Variants in HMCN1 observed in about 807,000 individuals in gnomAD.
HMCN1 encodes the protein hemicentin 1, also known as hemicentin-1.
Under a neutral mutation model 625.9 loss-of-function variants are expected in HMCN1, and 321 were observed. That is an observed-to-expected ratio of 0.51 (90% CI 0.47 to 0.56). The LOEUF is 0.56. Ranked by LOEUF, HMCN1 falls within the 20% of genes least tolerant of loss-of-function variation. The probability of loss-of-function intolerance (pLI) is 0.00; values close to 1 mark genes in which losing one functional copy is unlikely to be tolerated. For synonymous variants in HMCN1, 2,425 were observed against 2,417.6 expected (o/e 1.00, Z -0.09); for missense variants, 6,588 against 6,887.3 (o/e 0.96, Z 1.54).
chr1:185,886,781 C>T (rs747406681), intron 4 of HMCN1, among the ~76,000 whole-genome samples: 24 of 152,174 alleles, frequency 1.6e-4, no homozygotes, highest in Non-Finnish European at 3.2e-4. Flanking sequence ...TTTCCCTACC[C>T]AATCCAGTAA....
chr1:185,870,036 T>TTA (rs1553252272), intron 4 of HMCN1, among the ~76,000 whole-genome samples: 2 of 149,094 alleles, frequency 1.3e-5, no homozygotes, highest in Non-Finnish European at 1.5e-5. Flanking sequence ...TTTTTTTTTT[T>TTA]AAAAAAAAAC....
At chr1:186,063,782 A>G (rs1236126948) in intron 48 of HMCN1, among the ~76,000 whole-genome samples, 1 of 152,148 alleles carries the variant, frequency 6.6e-6, no homozygotes, top group Admixed American at 6.6e-5. Context: ...TACAGAGGGA[A>G]TATAGAGTAG....
intron 93 of HMCN1, among the ~76,000 whole-genome samples, chr1:186,148,664 G>A (rs955709590): frequency 2.0e-5 from 3 of 151,994 alleles, no homozygotes; most frequent in Non-Finnish European, 2.9e-5. Context: ...ACCATGCCCA[G>A]CTAATTTTTT....
rs767187731 is a variant in HMCN1, at chr1:186,023,012, CT to C, written c.5626-15del. 6.2e-7 allele frequency: 1 copy of C among 1,612,430 alleles called. No individual in the cohort carries two copies. Among genetic ancestry groups the C allele is most frequent in the East Asian group, 2.2e-5 (1 of 44,798 alleles). On this transcript the variant is annotated splice_polypyrimidine_tract_variant and intron_variant, in intron 35 of 106. Coordinates refer to ENST00000271588, the MANE Select transcript of HMCN1 (RefSeq NM_031935.3). Reference sequence around the variant, plus strand: ...GTATAAGATACAAAAATCCTCTGTGCTTTCTGCTCCCAATTAGATACAGTCT... The same window carrying C: ...GTATAAGATACAAAAATCCTCTGTGCTTCTGCTCCCAATTAGATACAGTCT...
At chr1:186,142,297 C>T (rs1194074623) in intron 89 of HMCN1, among the ~76,000 whole-genome samples, 1 of 152,082 alleles carries the variant, frequency 6.6e-6, no homozygotes, top group African/African-American at 2.4e-5. Flanking sequence ...GCTAAGGATA[C>T]TGGCCTCTAG....
In HMCN1 at chr1:186,048,842, A is replaced by G; in HGVS notation, c.6577+3A>G. On this transcript the variant is annotated splice_donor_region_variant and intron_variant, in intron 42 of 106. Transcript: ENST00000271588. ...AAACTACAATGTCAACATTTGGGGT[A>G]AGTGTAATCAGCTCTTGAAAGCAAA... 1 of 1,573,078 alleles carries G rather than the reference A, an allele frequency of 6.4e-7. No homozygotes were observed. The highest frequency in any genetic ancestry group is 8.7e-7 in the Non-Finnish European group (1 of 1,144,202).
rs1174182734 is a variant in HMCN1, at chr1:186,178,447, T to C, written c.15975T>C (p.Pro5325=). 6.2e-7 allele frequency: 1 copy of C among 1,614,028 alleles called. No homozygotes were observed. The highest frequency in any genetic ancestry group is 1.7e-5 in the Admixed American group (1 of 60,010). The change falls in exon 104 of 107, where the codon CCT becomes CCC. Residue 5325 remains proline (P), a synonymous_variant. Coordinates refer to ENST00000271588, the MANE Select transcript of HMCN1 (RefSeq NM_031935.3). ...ATGAATGTGAACAAGTGCCTAAACC[T>C]TGTGCACATCAGTGCTCCAACACCC... ...DINECEQVPK[P]CAHQCSNTPG...
intron 4 of HMCN1, among the ~76,000 whole-genome samples, chr1:185,893,870 G>A (rs915964785): frequency 3.3e-5 from 5 of 152,110 alleles, no homozygotes; most frequent in Admixed American, 3.3e-4. Flanking sequence ...TGGATAGCTA[G>A]CACTCAGACT....
At chr1:185,917,389 T>G (rs1211333291) in intron 6 of HMCN1, among the ~76,000 whole-genome samples, 1 of 152,204 alleles carries the variant, frequency 6.6e-6, no homozygotes, top group Non-Finnish European at 1.5e-5. Context: ...GAACTTGGAA[T>G]AATTGCCATT....
chr1:186,084,520 C>T (rs555288359), intron 57 of HMCN1, among the ~76,000 whole-genome samples: 1 of 152,170 alleles, frequency 6.6e-6, no homozygotes, highest in South Asian at 2.1e-4. Context: ...AAATTATTTT[C>T]ATGTAAAACA....
At chr1:185,951,078 G>T (rs1317249646) in intron 11 of HMCN1, among the ~76,000 whole-genome samples, 2 of 151,626 alleles carry the variant, frequency 1.3e-5, no homozygotes, top group African/African-American at 4.9e-5. Context: ...AGGTTTTAAT[G>T]AGATGGTAAG....
At chr1:186,093,078 C>T (rs1052743464) in intron 64 of HMCN1, 56 bp from the exon 65 acceptor site, 3 of 1,608,542 alleles carry the variant, frequency 1.9e-6, no homozygotes, top group African/African-American at 2.7e-5. Context: ...CTTTCATGTA[C>T]TTAGTGAAAT....
intron 52 of HMCN1, among the ~76,000 whole-genome samples, chr1:186,073,499 A>G (rs1198438280): frequency 6.6e-6 from 1 of 151,930 alleles, no homozygotes; most frequent in Non-Finnish European, 1.5e-5. Flanking sequence ...GGCTGAAATC[A>G]TCCAGTGGAA....
chr1:186,186,297 T>G (rs1231946497), intron 105 of HMCN1, among the ~76,000 whole-genome samples: 2 of 152,108 alleles, frequency 1.3e-5, no homozygotes, highest in Non-Finnish European at 2.9e-5. Flanking sequence ...GAGGCCGAGG[T>G]GGGTGGATCA....
chr1:186,114,096 G>A lies in HMCN1; in HGVS notation c.11249G>A (p.Gly3750Glu). The change falls in exon 73 of 107, where the codon GGA (glycine) becomes GAA (glutamate). Residue 3750 changes from glycine (G) to glutamate (E), a missense_variant. Physicochemically the swap from Gly to Glu is moderately conservative, Grantham distance 98 (BLOSUM62 -2). Around this residue, in one of 3 missense-constraint regions of HMCN1, gnomAD observed 4,628 missense variants for 4,853.1 expected, o/e 0.95. Coordinates refer to ENST00000271588, the MANE Select transcript of HMCN1 (RefSeq NM_031935.3). ...CCAAGGATAACATGGAGAAAGGATG[G>A]AGCTGTTCTAGCTGGGAATCATGCA... ...PTPRITWRKD[G>E]AVLAGNHARY... is the part of the protein sequence containing the mutation. 6.2e-7 allele frequency: 1 copy of A among 1,614,086 alleles called. No homozygotes were observed. Among genetic ancestry groups the A allele is most frequent in the Non-Finnish European group, 8.5e-7 (1 of 1,179,974 alleles).
intron 26 of HMCN1, among the ~76,000 whole-genome samples, chr1:186,000,614 T>C (rs925217584): frequency 2.0e-5 from 3 of 151,066 alleles, no homozygotes; most frequent in Non-Finnish European, 3.0e-5. Context: ...TTCCCGGAGA[T>C]ATTTTATGAA....
At chr1:185,993,376 T>C in intron 23 of HMCN1, 67 bp downstream of exon 23, 1 of 1,577,980 alleles carries the variant, frequency 6.3e-7, no homozygotes, top group African/African-American at 1.3e-5. Flanking sequence ...GTAATCCTAG[T>C]TTATTTGATA....
intron 1 of HMCN1, among the ~76,000 whole-genome samples, chr1:185,841,997 T>C (rs1373102444): frequency 6.6e-6 from 1 of 152,238 alleles, no homozygotes; most frequent in Non-Finnish European, 1.5e-5. Flanking sequence ...AACTTTTGTT[T>C]TAACCAATTT....
At chr1:185,989,060 T>A (rs1194609968) in intron 20 of HMCN1, among the ~76,000 whole-genome samples, 2 of 142,728 alleles carry the variant, frequency 1.4e-5, no homozygotes, top group Middle Eastern at 3.6e-3. Flanking sequence ...CAGGCTGGAG[T>A]GCAGTGGCAC....
Sources: gnomAD v4.1 joint callset for allele counts (sites outside exome capture counted in the v4.1 genomes callset) on GRCh38, gnomAD v4.1.1 for gene constraint, gnomAD v4.1.1 regional missense constraint, MANE v1.5 for transcripts, NCBI Gene and HGNC (gene_info 2026-07-23, HGNC 2026-07-21) for gene names.